The following RSRC1 variants were observed in gnomAD, a reference collection of about 807,000 sequenced individuals.
RSRC1 encodes the protein arginine and serine rich coiled-coil 1.
A neutral mutation model predicts 49.1 loss-of-function variants in RSRC1; 39 were observed. The ratio of observed to expected loss-of-function variants is 0.79; its 90% CI spans 0.61 to 1.04. RSRC1 has a LOEUF of 1.04. Ranked by LOEUF, RSRC1 falls within the 50% of genes least tolerant of loss-of-function variation. The pLI is 0.00. For missense variants in RSRC1, 388 were observed against 402.4 expected, an observed-to-expected ratio of 0.96 and a Z score of 0.31; for synonymous variants, 143 against 130.8, an observed-to-expected ratio of 1.09 and a Z score of -0.63.
At chr3:158,300,740 C>T (rs895131052) in intron 5 of RSRC1, among the ~76,000 whole-genome samples, 3 of 152,128 alleles carry the variant, frequency 2.0e-5, no homozygotes, top group African/African-American at 7.2e-5. Context: ...TAGCTTTCTT[C>T]AGTCTTTGTT....
intron 4 of RSRC1, among the ~76,000 whole-genome samples, chr3:158,261,111 A>C (rs1432243771): frequency 6.6e-6 from 1 of 151,970 alleles, no homozygotes; most frequent in Non-Finnish European, 1.5e-5. Flanking sequence ...TGCCAGGGGG[A>C]TGATCACTGC....
chr3:158,321,727 G>C (rs1163646444), intron 5 of RSRC1, among the ~76,000 whole-genome samples: 5 of 151,898 alleles, frequency 3.3e-5, no homozygotes, highest in African/African-American at 9.7e-5. Context: ...CAAGGACATT[G>C]TAGCAAATTT....
At chr3:158,133,948 G>T (rs1263568539) in intron 3 of RSRC1, among the ~76,000 whole-genome samples, 4 of 152,160 alleles carry the variant, frequency 2.6e-5, no homozygotes, top group Non-Finnish European at 5.9e-5. Flanking sequence ...AAAGACGGCG[G>T]CTGATAAATC....
intron 3 of RSRC1, among the ~76,000 whole-genome samples, chr3:158,142,081 G>C (rs764029363): frequency 6.6e-6 from 1 of 152,188 alleles, no homozygotes; most frequent in Non-Finnish European, 1.5e-5. Flanking sequence ...CTGGGCAACA[G>C]AGCGAGACTC....
intron 1 of RSRC1, among the ~76,000 whole-genome samples, chr3:158,117,938 A>G (rs1559906243): frequency 7.1e-6 from 1 of 140,124 alleles, no homozygotes; most frequent in Non-Finnish European, 1.5e-5. Flanking sequence ...CCTCTTTTCC[A>G]ACCTTATTGT....
At chr3:158,481,999 G>C (rs532161558) in intron 7 of RSRC1, among the ~76,000 whole-genome samples, 2 of 152,060 alleles carry the variant, frequency 1.3e-5, no homozygotes, top group African/African-American at 2.4e-5. Flanking sequence ...TAAAAACTCA[G>C]AGTAAAGAGT....
At chr3:158,286,554 G>C (rs1423237648) in intron 4 of RSRC1, among the ~76,000 whole-genome samples, 1 of 152,140 alleles carries the variant, frequency 6.6e-6, no homozygotes, top group Non-Finnish European at 1.5e-5. Context: ...GAGGTCTTTA[G>C]GAAATGGCAA....
intron 4 of RSRC1, among the ~76,000 whole-genome samples, chr3:158,209,339 C>T (rs1373233966): frequency 6.6e-6 from 1 of 152,050 alleles, no homozygotes; most frequent in South Asian, 2.1e-4. Flanking sequence ...TGCCTTTCTT[C>T]TTTGGAATGA....
chr3:158,201,116 C>G (rs1721020605), intron 3 of RSRC1, among the ~76,000 whole-genome samples: 1 of 152,052 alleles, frequency 6.6e-6, no homozygotes, highest in Admixed American at 6.5e-5. Context: ...GATGTTTTTG[C>G]TGGGTATAAA....
chr3:158,431,298 G>C (rs1735759978), intron 6 of RSRC1, among the ~76,000 whole-genome samples: 1 of 151,734 alleles, frequency 6.6e-6, no homozygotes, highest in African/African-American at 2.4e-5. Context: ...AGGAACCTCT[G>C]TAATCTCCAT....
intron 4 of RSRC1, among the ~76,000 whole-genome samples, chr3:158,205,454 C>A (rs1395402832): frequency 6.6e-6 from 1 of 152,020 alleles, no homozygotes; most frequent in East Asian, 1.9e-4. Context: ...TATTTAAATG[C>A]CTTCTACTTG....
chr3:158,379,572 C>G (rs2108278415), intron 6 of RSRC1, among the ~76,000 whole-genome samples: 1 of 152,148 alleles, frequency 6.6e-6, no homozygotes, highest in African/African-American at 2.4e-5. Context: ...GATGAGCTAT[C>G]TTTTTTTCAT....
At chr3:158,503,376 G>A (rs1439974877) in intron 7 of RSRC1, among the ~76,000 whole-genome samples, 1 of 152,166 alleles carries the variant, frequency 6.6e-6, no homozygotes, top group East Asian at 1.9e-4. Context: ...CCTGCTGGGA[G>A]GTGGCACTTT....
chr3:158,249,882 C>T (rs1019269251), intron 4 of RSRC1, among the ~76,000 whole-genome samples: 8 of 152,142 alleles, frequency 5.3e-5, no homozygotes, highest in Non-Finnish European at 1.2e-4. Flanking sequence ...ATTACTGTAG[C>T]GATCCTCTTG....
chr3:158,412,140 G>GT (rs1484872442), intron 6 of RSRC1, among the ~76,000 whole-genome samples: 1 of 151,866 alleles, frequency 6.6e-6, no homozygotes, highest in South Asian at 2.1e-4. Context: ...AAAGGGATTT[G>GT]TTTTTTTCTT....
chr3:158,385,186 A>G (rs1011343942), intron 6 of RSRC1, among the ~76,000 whole-genome samples: 1 of 152,166 alleles, frequency 6.6e-6, no homozygotes, highest in African/African-American at 2.4e-5. Context: ...ACAAAAATAA[A>G]TTGTGCCAGG....
chr3:158,166,480 G>A (rs373848247), intron 3 of RSRC1, among the ~76,000 whole-genome samples: 2 of 152,130 alleles, frequency 1.3e-5, no homozygotes, highest in East Asian at 1.9e-4. Context: ...ATAAAATAAC[G>A]GTCAATTATG....
At chr3:158,395,360 A>G (rs909181702) in intron 6 of RSRC1, among the ~76,000 whole-genome samples, 1 of 152,184 alleles carries the variant, frequency 6.6e-6, no homozygotes, top group African/African-American at 2.4e-5. Flanking sequence ...GAGCTTCTGC[A>G]TAGCAAAAGA....
chr3:158,424,158 G>C (rs1051049289), intron 6 of RSRC1, among the ~76,000 whole-genome samples: 9 of 152,132 alleles, frequency 5.9e-5, no homozygotes, highest in Non-Finnish European at 1.3e-4. Flanking sequence ...TCTTGTGCCA[G>C]TTTTCAAAGG....
Sources: allele counts gnomAD v4.1 joint callset (sites outside exome capture counted in the v4.1 genomes callset), GRCh38; gene constraint gnomAD v4.1.1; transcripts MANE v1.5; gene names NCBI Gene and HGNC (gene_info 2026-07-23, HGNC 2026-07-21).